Variants in DIXDC1 observed in about 807,000 individuals in gnomAD.
DIXDC1 encodes dixin.
In DIXDC1, 64 loss-of-function variants were observed where a neutral mutation model predicts 103.1. The ratio of observed to expected loss-of-function variants is 0.62; its 90% CI spans 0.51 to 0.76. DIXDC1 has a LOEUF of 0.76. DIXDC1 is among the 30% of genes least tolerant of loss of function. The pLI is 0.00. For synonymous variants in DIXDC1, 266 were observed against 298.5 expected (o/e 0.89, Z 1.12); for missense variants, 759 against 834.2 (o/e 0.91, Z 1.11).
chr11:111,951,260 C>T (rs1351782340), intron 1 of DIXDC1, among the ~76,000 whole-genome samples: 1 of 152,016 alleles, frequency 6.6e-6, no homozygotes, highest in Non-Finnish European at 1.5e-5. Flanking sequence ...TTAGAGAACC[C>T]TATTAAGGAA....
At chr11:111,929,583 T>TAAAAAA (rs587666008) in intron 1 of DIXDC1, among the ~76,000 whole-genome samples, 5 of 90,622 alleles carry the variant, frequency 5.5e-5, no homozygotes, top group African/African-American at 2.1e-4. Flanking sequence ...ACCTTATCTC[T>TAAAAAA]AAAAAAAAAA....
intron 1 of DIXDC1, among the ~76,000 whole-genome samples, chr11:111,954,887 A>G (rs1966876510): frequency 6.6e-6 from 1 of 152,162 alleles, no homozygotes; most frequent in South Asian, 2.1e-4. Flanking sequence ...TATGGTATAA[A>G]TTATGTATGT....
intron 5 of DIXDC1, chr11:111,975,523 C>T: frequency 1.0e-6 from 1 of 990,064 alleles, no homozygotes; most frequent in South Asian, 4.6e-5. Flanking sequence ...TTGTGTGTAT[C>T]CTTTAGAGCC....
At chr11:111,940,317 G>A (rs934451565) in intron 1 of DIXDC1, among the ~76,000 whole-genome samples, 1 of 152,214 alleles carries the variant, frequency 6.6e-6, no homozygotes, top group Non-Finnish European at 1.5e-5. Context: ...GCCTTTGAAT[G>A]GCATGGTTAA....
At chr11:111,991,485 G>A (rs1188445640) in intron 10 of DIXDC1, among the ~76,000 whole-genome samples, 1 of 152,158 alleles carries the variant, frequency 6.6e-6, no homozygotes, top group Admixed American at 6.5e-5. Flanking sequence ...TTAAGAATGG[G>A]CTCCCACATT....
rs369912220 is a variant in DIXDC1 at position 112,010,207 on chromosome 11, C to T, written c.1757-6484C>T. 3.3e-5 allele frequency among the ~76,000 whole-genome samples: 5 copies of T among 152,082 alleles called. No homozygotes were observed. The South Asian group carries it at 6.2e-4, about 19-fold the overall frequency. On this transcript the variant is annotated intron_variant, in intron 17 of 19. Transcript: ENST00000440460. The stretch of plus-strand genomic sequence containing the variant: ...ATGAGTGAACTCCCAATCACAATTG[C>T]TACGAAGAGAATAAAATACCTAGGA...
chr11:111,977,772 A>G lies in DIXDC1; in HGVS notation c.656+2789A>G. 6.4e-7 allele frequency: 1 copy of G among 1,564,594 alleles called. No individual in the cohort carries two copies. The highest frequency in any genetic ancestry group is 8.7e-7 in the Non-Finnish European group (1 of 1,155,296). On this transcript the variant is annotated intron_variant, in intron 5 of 19. Coordinates refer to ENST00000440460, the MANE Select transcript of DIXDC1 (RefSeq NM_001037954.4). The surrounding 1 kb of genome is among the most constrained non-coding windows in gnomAD (Gnocchi z 6.1). ...TGAAGCCCGAGACAGGAGGGGGACC[A>G]TGGGAGGGACGCAAGTCAAATGGTG... is the stretch of plus-strand genomic sequence containing the variant.
chr11:111,999,125 T>C (rs1454316326), intron 17 of DIXDC1, among the ~76,000 whole-genome samples: 1 of 152,220 alleles, frequency 6.6e-6, no homozygotes. Flanking sequence ...CTGTGGAGCA[T>C]ATGAGAGATG....
chr11:112,008,210 A>G (rs1432364085), intron 17 of DIXDC1, among the ~76,000 whole-genome samples: 7 of 152,192 alleles, frequency 4.6e-5, no homozygotes, highest in Admixed American at 2.6e-4. Context: ...AAAGATCAAA[A>G]GAGACAAGGC....
chr11:111,966,853 T>G (rs1555171601), intron 2 of DIXDC1, among the ~76,000 whole-genome samples: 1 of 152,248 alleles, frequency 6.6e-6, no homozygotes, highest in East Asian at 1.9e-4. Flanking sequence ...CCCACTCCAC[T>G]GAAACCGCCT....
chr11:111,995,189 G>A, intron 15 of DIXDC1, 81 bp downstream of exon 15: 8 of 1,449,200 alleles, frequency 5.5e-6, no homozygotes, highest in Non-Finnish European at 7.6e-6. Flanking sequence ...CAGTGGATGA[G>A]GCCTTTTATA....
intron 17 of DIXDC1, among the ~76,000 whole-genome samples, chr11:111,999,361 A>G (rs1353328341): frequency 2.0e-5 from 3 of 152,236 alleles, no homozygotes; most frequent in African/African-American, 7.2e-5. Context: ...TTTTCAACCA[A>G]TGGTGCTTGG....
chr11:111,960,525 C>T (rs1343610412), intron 1 of DIXDC1, among the ~76,000 whole-genome samples: 4 of 148,564 alleles, frequency 2.7e-5, no homozygotes, highest in East Asian at 2.0e-4. Flanking sequence ...ACCCGGGAGG[C>T]GGAGGTTGCA....
chr11:111,968,669 A>G, intron 3 of DIXDC1, 31 bp downstream of exon 3: 1 of 1,594,618 alleles, frequency 6.3e-7, no homozygotes, highest in South Asian at 1.1e-5. Flanking sequence ...TTGGTGCATG[A>G]GTATACTTTA....
chr11:111,941,276 T>A (rs987546418), intron 1 of DIXDC1, among the ~76,000 whole-genome samples: 5 of 151,996 alleles, frequency 3.3e-5, no homozygotes, highest in Non-Finnish European at 7.4e-5. Context: ...TTGGGAAAAT[T>A]GAGGTGATAC....
Position 111,968,638 on chromosome 11 carries a change from G to A in DIXDC1, c.316G>A (p.Asp106Asn), listed in dbSNP as rs1406580262. The change falls in exon 3 of 20, where the codon GAT (aspartate) becomes AAT (asparagine). Residue 106 changes from aspartate to asparagine, a missense_variant and splice_region_variant. Physicochemically the swap from Asp to Asn is conservative, Grantham distance 23 (BLOSUM62 1). This residue lies in a region of DIXDC1 where 657 missense variants were observed against 727.5 expected (regional missense o/e 0.90). Transcript: ENST00000440460. ...TCGTATGCACCAGACTTCGGCTAAAGGTCAGTGCCTCATCACATCCTTGGT... is the reference window on the plus strand; with the variant it reads ...TCGTATGCACCAGACTTCGGCTAAAAGTCAGTGCCTCATCACATCCTTGGT... ...KIRMHQTSAK[D>N]IVDGNLKSIM... The A allele has an allele frequency of 6.2e-7, 1 of 1,606,634 alleles. No homozygotes were observed. The highest frequency in any genetic ancestry group is 1.7e-5 in the Admixed American group (1 of 58,864).
intron 2 of DIXDC1, among the ~76,000 whole-genome samples, chr11:111,965,758 AT>A (rs1859707908): frequency 6.6e-6 from 1 of 152,194 alleles, no homozygotes; most frequent in Non-Finnish European, 1.5e-5. Flanking sequence ...GTCAAACAAA[AT>A]AGCTAAGCAT....
chr11:112,008,283 AC>A (rs1210631937), intron 17 of DIXDC1, among the ~76,000 whole-genome samples: 1 of 152,234 alleles, frequency 6.6e-6, no homozygotes, highest in East Asian at 1.9e-4. Flanking sequence ...ATTTATATGC[AC>A]CCAATACAGG....
chr11:111,958,373 T>A lies in DIXDC1; in HGVS notation c.61-6176T>A, dbSNP rs587659612. Among the ~76,000 whole-genome samples the A allele has an allele frequency of 1.3e-5, 2 of 152,308 alleles. No homozygotes were observed. Among genetic ancestry groups the A allele is most frequent in the Admixed American group, 6.5e-5 (1 of 15,306 alleles). Reference sequence around the variant, plus strand: ...TCTCAGGGGCTAGGCTTGGAAATGCTTGCTCCTGCTGCCTGGCCTCTCCCG... The same window carrying A: ...TCTCAGGGGCTAGGCTTGGAAATGCATGCTCCTGCTGCCTGGCCTCTCCCG... On this transcript the variant is annotated intron_variant, in intron 1 of 19. Transcript: ENST00000440460. This position sits in a 1 kb window ranked among gnomAD's most constrained non-coding sequence, Gnocchi z 4.2.
Sources: gnomAD v4.1 joint callset for allele counts (sites outside exome capture counted in the v4.1 genomes callset) on GRCh38, gnomAD v4.1.1 for gene constraint, gnomAD v4.1.1 regional missense constraint, Gnocchi (gnomAD v3.1) non-coding constraint, MANE v1.5 for transcripts, NCBI Gene and HGNC (gene_info 2026-07-23, HGNC 2026-07-21) for gene names.